SMTN: variants seen among roughly 807,000 people sequenced by gnomAD.
SMTN encodes smoothelin.
Under a neutral mutation model 102.0 loss-of-function variants are expected in SMTN, and 58 were observed. The ratio of observed to expected loss-of-function variants is 0.57; its 90% CI spans 0.46 to 0.71. The LOEUF (loss-of-function observed/expected upper bound fraction) is 0.71. Among genes scored for constraint, SMTN ranks in the 30% least tolerant of loss-of-function variants. The probability of loss-of-function intolerance (pLI) is 0.00; values close to 1 mark genes in which losing one functional copy is unlikely to be tolerated. For missense variants in SMTN, 1,185 were observed against 1,241.7 expected (o/e 0.95, Z 0.69); for synonymous variants, 478 against 497.9 (o/e 0.96, Z 0.53).
At chr22:31,096,294 T>C (rs1192182120) in intron 13 of SMTN, 1 of 165,672 alleles carries the variant, frequency 6.0e-6, no homozygotes, top group East Asian at 1.8e-4. Context: ...ATTGCTCCCT[T>C]CCTGGATCTA....
chr22:31,079,656 C>T (rs2042219614), upstream of SMTN, among the ~76,000 whole-genome samples: 2 of 152,232 alleles, frequency 1.3e-5, no homozygotes, highest in Admixed American at 6.5e-5. Flanking sequence ...CATGGCATCT[C>T]GCCCAGGTAG....
intron 8 of SMTN, 126 bp from the exon 9 acceptor site, chr22:31,090,682 G>A (rs2043059923): frequency 1.3e-6 from 1 of 783,854 alleles, no homozygotes; most frequent in Non-Finnish European, 2.2e-6. Flanking sequence ...TGGGGTGGGG[G>A]TTGAGTACAG....
At chr22:31,085,000 T>G in intron 2 of SMTN, 1 of 1,485,800 alleles carries the variant, frequency 6.7e-7, no homozygotes, top group Non-Finnish European at 8.9e-7. Flanking sequence ...CGCCCCAGCG[T>G]CTGGCCGATT....
At position 31,098,934 on chromosome 22, in the gene SMTN, C is replaced by T. The variant is rs2240429; in HGVS notation, c.2333+94C>T. On this transcript the variant is annotated intron_variant, in intron 17 of 20. Coordinates refer to ENST00000333137, the MANE Select transcript of SMTN (RefSeq NM_134269.3). ...AGTTGGCCCGGCAGAGGCGGGAAGA[C>T]CGCGCGGCTAGATCTGTGGTGCAAA... 2.7e-4 allele frequency: 424 copies of T among 1,550,928 alleles called. 6 individuals carry two copies. The East Asian group carries it at 9.5e-3, about 35-fold the overall frequency.
chr22:31,099,453 T>C (rs1054374988), intron 18 of SMTN: 19 of 586,290 alleles, frequency 3.2e-5, no homozygotes, highest in Non-Finnish European at 5.1e-5. Flanking sequence ...CTTGTTGCTC[T>C]GTAGGAGGCC....
At chr22:31,068,947 G>C (rs2147464760) in intron 1 of SMTN, among the ~76,000 whole-genome samples, 1 of 152,252 alleles carries the variant, frequency 6.6e-6, no homozygotes, top group South Asian at 2.1e-4. Flanking sequence ...TGGTTGAAGA[G>C]CACAGTCCCA....
At chr22:31,077,663 C>T (rs192155259), upstream of SMTN, among the ~76,000 whole-genome samples, 49 of 152,308 alleles carry the variant, frequency 3.2e-4, 1 homozygote, top group South Asian at 5.0e-3. Context: ...ACATCCAGAA[C>T]TCTCTCCTTC....
At chr22:31,087,723 G>A (rs184620669) in intron 2 of SMTN, among the ~76,000 whole-genome samples, 23 of 152,320 alleles carry the variant, frequency 1.5e-4, no homozygotes, top group Admixed American at 9.1e-4. Context: ...GGCAGTTTCT[G>A]GCTGTCCACT....
rs769153711 is a variant in SMTN, at chr22:31,090,964, C to T, written c.941C>T (p.Ser314Phe). Residue 314 changes from serine (S) to phenylalanine (F), a missense_variant, in exon 10 of 21, where the codon TCC (serine) becomes TTC (phenylalanine). Coordinates refer to ENST00000333137, the MANE Select transcript of SMTN (RefSeq NM_134269.3). ...SPRQPAQNRE[S>F]TPLASGPSSF... is the part of the protein sequence containing the mutation. ...ACAGCCCTCCTGTTCCTTCTAGAGT[C>T]CACCCCCCTTGCCAGCGGACCTTCC... 56 of 1,613,018 alleles carry T rather than the reference C, an allele frequency of 3.5e-5. No individual in the cohort carries two copies. The South Asian group carries it at 5.6e-4, about 16-fold the overall frequency.
rs761122322 is a variant in SMTN at position 31,090,104 on chromosome 22, G to A, written c.793-4G>A. On this transcript the variant is annotated splice_region_variant and splice_polypyrimidine_tract_variant and intron_variant, in intron 7 of 20. Coordinates refer to ENST00000333137, the MANE Select transcript of SMTN (RefSeq NM_134269.3). ...TGCTCAGGCCCTGTTCTTCTCCCTT[G>A]CAGCTTCTGTCTGGCCCCAAAGAGA... is the stretch of plus-strand genomic sequence containing the variant. 3.7e-6 allele frequency: 6 copies of A among 1,611,832 alleles called. No homozygotes were observed. The highest frequency in any genetic ancestry group is 3.3e-5 in the South Asian group (3 of 90,798).
Position 31,083,235 on chromosome 22 carries a change from C to A in SMTN, c.-24C>A, listed in dbSNP as rs1193795857. 6.3e-7 allele frequency: 1 copy of A among 1,597,430 alleles called. No homozygotes were observed. The highest frequency in any genetic ancestry group is 8.5e-7 in the Non-Finnish European group (1 of 1,174,222). On this transcript the variant is annotated 5_prime_UTR_variant, in exon 2 of 21. Transcript: ENST00000333137. The stretch of plus-strand genomic sequence containing the variant: ...CACTGGGGATCTCACCAGAAAGGAA[C>A]CGACGGAGCTAGGGGCCAGCGAGAT...
chr22:31,096,991 C>T lies in SMTN; in HGVS notation c.2027-7C>T, dbSNP rs746711204. On this transcript the variant is annotated splice_polypyrimidine_tract_variant and splice_region_variant and intron_variant, in intron 14 of 20. Transcript: ENST00000333137. ...TTTCACATCCTTCTCATCCCCTGCC[C>T]CTGCAGATGATGGCACACGGACGGC... 7 of 1,614,112 alleles carry T rather than the reference C, an allele frequency of 4.3e-6. No homozygotes were observed. Among genetic ancestry groups the T allele is most frequent in the Non-Finnish European group, 5.9e-6 (7 of 1,179,972 alleles).
At chr22:31,083,528 C>T (rs972703719) in intron 2 of SMTN, 62 of 533,892 alleles carry the variant, frequency 1.2e-4, no homozygotes, top group Admixed American at 2.1e-4. Flanking sequence ...CCCTCCCAAC[C>T]CTCCACAGCC....
At chr22:31,099,265 T>G (rs2043884612) in intron 18 of SMTN, 86 bp downstream of exon 18, 8 of 825,916 alleles carry the variant, frequency 9.7e-6, no homozygotes, top group Non-Finnish European at 1.6e-5. Context: ...TATTACCCAG[T>G]ACACTTCCTG....
chr22:31,072,509 C>G (rs755100911), intron 1 of SMTN, among the ~76,000 whole-genome samples: 4 of 152,138 alleles, frequency 2.6e-5, no homozygotes, highest in Non-Finnish European at 4.4e-5. Context: ...GTCACCCAGG[C>G]TGGAGGGCAA....
Position 31,095,695 on chromosome 22 carries a change from C to A in SMTN, c.1861+86C>A. 1 of 1,226,584 alleles carries A rather than the reference C, an allele frequency of 8.2e-7. No individual in the cohort carries two copies. Among genetic ancestry groups the A allele is most frequent in the Non-Finnish European group, 1.2e-6 (1 of 866,904 alleles). 76.0% of individuals were successfully genotyped at this position (1,226,584 alleles called of 1,614,324 possible). On this transcript the variant is annotated intron_variant, in intron 13 of 20. Coordinates refer to ENST00000333137, the MANE Select transcript of SMTN (RefSeq NM_134269.3). This position sits in a 1 kb window ranked among gnomAD's most constrained non-coding sequence, Gnocchi z 4.1. ...TACTCTGGGGTCCATTTGTGGACAC[C>A]CCAGCTTAATAACTGCCCTACCCAG...
intron 16 of SMTN, among the ~76,000 whole-genome samples, chr22:31,098,197 G>A (rs946357914): frequency 4.6e-5 from 7 of 152,168 alleles, no homozygotes; most frequent in African/African-American, 1.7e-4. Flanking sequence ...CGCCCATCAC[G>A]TCCTCTGAAA....
At chr22:31,074,782 A>C (rs1435928610) in intron 1 of SMTN, among the ~76,000 whole-genome samples, 2 of 151,378 alleles carry the variant, frequency 1.3e-5, no homozygotes, top group Non-Finnish European at 2.9e-5. Flanking sequence ...GGGTGACAAG[A>C]GTGAAACTGT....
Position 31,090,685 on chromosome 22 carries a change from G to A in SMTN, c.866-123G>A, listed in dbSNP as rs956952337. The A allele has an allele frequency of 6.3e-6, 5 of 792,928 alleles. No homozygotes were observed. In the African/African-American group the frequency reaches 6.7e-5, roughly 11 times the overall value. 49.1% of individuals were successfully genotyped at this position (792,928 alleles called of 1,614,324 possible). A position where few individuals can be genotyped will look rare whatever the true frequency, so the allele number is the denominator to read the frequency against. On this transcript the variant is annotated intron_variant, in intron 8 of 20. Coordinates refer to ENST00000333137, the MANE Select transcript of SMTN (RefSeq NM_134269.3). ...GGGATGGAGAGGTGGGGTGGGGGTT[G>A]AGTACAGGAAAGGGTGGGAAGCTAG...
Sources: allele counts gnomAD v4.1 joint callset (sites outside exome capture counted in the v4.1 genomes callset), GRCh38; gene constraint gnomAD v4.1.1; non-coding constraint Gnocchi (gnomAD v3.1); transcripts MANE v1.5; gene names NCBI Gene and HGNC (gene_info 2026-07-23, HGNC 2026-07-21).